The following CACNA2D1 variants were observed in gnomAD, a reference collection of about 807,000 sequenced individuals.
CACNA2D1 encodes voltage-dependent calcium channel subunit alpha-2/delta-1.
Under a neutral mutation model 171.5 loss-of-function variants are expected in CACNA2D1, and 53 were observed. The observed-to-expected ratio is 0.31, with a 90% CI of 0.25 to 0.39. The LOEUF (loss-of-function observed/expected upper bound fraction) is 0.39, where lower values mean the gene tolerates loss of function less well. Ranked by LOEUF, CACNA2D1 falls within the 10% of genes least tolerant of loss-of-function variation. The probability of loss-of-function intolerance (pLI) is 1.00; values close to 1 mark genes in which losing one functional copy is unlikely to be tolerated. For synonymous variants in CACNA2D1, 442 were observed against 443.1 expected, an observed-to-expected ratio of 1.00 and a Z score of 0.03; for missense variants, 903 against 1,299.8, an observed-to-expected ratio of 0.69 and a Z score of 4.69.
At chr7:82,384,273 CT>C (rs1824063823) in intron 1 of CACNA2D1, among the ~76,000 whole-genome samples, 2 of 152,126 alleles carry the variant, frequency 1.3e-5, no homozygotes, top group African/African-American at 2.4e-5. Context: ...GAGAAGGGGC[CT>C]TTGCAAGGCA....
chr7:82,286,924 G>T (rs189062120), intron 3 of CACNA2D1, among the ~76,000 whole-genome samples: 8 of 152,270 alleles, frequency 5.3e-5, no homozygotes, highest in Admixed American at 1.3e-4. Context: ...GGTTTCAAAA[G>T]CACAGCAGGT....
intron 5 of CACNA2D1, among the ~76,000 whole-genome samples, chr7:82,133,541 A>G (rs1413244125): frequency 5.9e-5 from 9 of 152,190 alleles, no homozygotes; most frequent in African/African-American, 2.2e-4. Context: ...AAAATTCATT[A>G]AAATGTCAAA....
chr7:82,276,968 G>A (rs1312232459), intron 3 of CACNA2D1, among the ~76,000 whole-genome samples: 2 of 151,824 alleles, frequency 1.3e-5, no homozygotes, highest in East Asian at 3.9e-4. Context: ...GGATGGTCTC[G>A]ATCTCTTGAC....
At chr7:82,334,296 T>C (rs1031515830) in intron 3 of CACNA2D1, among the ~76,000 whole-genome samples, 2 of 152,204 alleles carry the variant, frequency 1.3e-5, no homozygotes, top group Non-Finnish European at 2.9e-5. Flanking sequence ...TGACTGCGAA[T>C]ACCCTACAAT....
chr7:82,262,231 T>C (rs1807213800), intron 3 of CACNA2D1, among the ~76,000 whole-genome samples: 1 of 152,122 alleles, frequency 6.6e-6, no homozygotes, highest in Non-Finnish European at 1.5e-5. Flanking sequence ...CTCGGGAGGC[T>C]GAGGCAGGAG....
chr7:82,037,966 A>G, intron 11 of CACNA2D1, 111 bp downstream of exon 11: 1 of 1,050,974 alleles, frequency 9.5e-7, no homozygotes, highest in Non-Finnish European at 1.5e-6. Context: ...TGTTTTAAAT[A>G]AATGAAAAAC....
chr7:82,177,091 G>A (rs1215693207), intron 3 of CACNA2D1, among the ~76,000 whole-genome samples: 5 of 129,970 alleles, frequency 3.8e-5, no homozygotes, highest in Non-Finnish European at 8.2e-5. Flanking sequence ...TTTTTTTGGC[G>A]GGGGTTGGGG....
intron 12 of CACNA2D1, among the ~76,000 whole-genome samples, chr7:82,024,728 T>C (rs548907285): frequency 1.3e-5 from 2 of 151,794 alleles, no homozygotes; most frequent in East Asian, 3.9e-4. Context: ...AATAAATGAA[T>C]GCCATGAAGC....
At chr7:82,080,549 AT>A (rs1809622625) in intron 7 of CACNA2D1, among the ~76,000 whole-genome samples, 1 of 152,216 alleles carries the variant, frequency 6.6e-6, no homozygotes, top group Non-Finnish European at 1.5e-5. Context: ...TTAACTTTGA[AT>A]TTCAATAAAA....
intron 12 of CACNA2D1, among the ~76,000 whole-genome samples, chr7:82,019,731 C>T (rs1191249406): frequency 6.6e-6 from 1 of 152,132 alleles, no homozygotes; most frequent in Non-Finnish European, 1.5e-5. Flanking sequence ...AAACTGTCAC[C>T]TCAACAATTA....
At chr7:82,260,267 C>T (rs1806900954) in intron 3 of CACNA2D1, among the ~76,000 whole-genome samples, 1 of 152,014 alleles carries the variant, frequency 6.6e-6, no homozygotes, top group Admixed American at 6.6e-5. Flanking sequence ...TAGAACAATG[C>T]CTGGCACTTA....
At chr7:82,351,972 G>A (rs764196527) in intron 1 of CACNA2D1, among the ~76,000 whole-genome samples, 1 of 152,062 alleles carries the variant, frequency 6.6e-6, no homozygotes, top group South Asian at 2.1e-4. Context: ...GAGAGGCAAA[G>A]AATATATATG....
chr7:82,405,923 G>C (rs186029181), intron 1 of CACNA2D1, among the ~76,000 whole-genome samples: 19 of 152,200 alleles, frequency 1.2e-4, no homozygotes, highest in Admixed American at 1.2e-3. Flanking sequence ...AAGTTCTAGG[G>C]TACCTGCGCA....
chr7:82,184,091 A>G (rs1797421089), intron 3 of CACNA2D1, among the ~76,000 whole-genome samples: 1 of 151,994 alleles, frequency 6.6e-6, no homozygotes, highest in African/African-American at 2.4e-5. Context: ...TTTAAAAAAA[A>G]AAAAATGAAA....
intron 3 of CACNA2D1, among the ~76,000 whole-genome samples, chr7:82,246,929 T>C (rs1563254059): frequency 6.6e-6 from 1 of 152,044 alleles, no homozygotes; most frequent in Non-Finnish European, 1.5e-5. Context: ...ACCCCATATC[T>C]AGGGTCTTCT....
chr7:81,971,798 T>C lies in CACNA2D1; in HGVS notation c.2120A>G (p.Tyr707Cys). 1 of 1,599,428 alleles carries C rather than the reference T, an allele frequency of 6.3e-7. No individual in the cohort carries two copies. The highest frequency in any genetic ancestry group is 8.6e-7 in the Non-Finnish European group (1 of 1,167,422). The change falls in exon 26 of 39, where the codon TAC becomes TGC. Residue 707 changes from tyrosine to cysteine, a missense_variant. Tyr to Cys is a radical substitution (Grantham distance 194). Around this residue, in one of 5 missense-constraint regions of CACNA2D1, gnomAD observed 623 missense variants for 925.5 expected, o/e 0.67. Transcript: ENST00000356860. ...TTACATATTTTTCTGCTTACTCCAG[T>C]AATTTTGGACAAGTTCATTTGTAAA... ...AGFTNELVQNYWSKQKNIKGV... is the reference protein window; with the variant it reads ...AGFTNELVQNCWSKQKNIKGV...
At position 82,129,684 on chromosome 7, in the gene CACNA2D1, G is replaced by C. The variant is rs3801749; in HGVS notation, c.396+6951C>G. On this transcript the variant is annotated intron_variant, in intron 5 of 38. Coordinates refer to ENST00000356860, the MANE Select transcript of CACNA2D1 (RefSeq NM_000722.4). ...TCTGAAGTAATACTATCTTAGAGAA[G>C]AATTTTCCTCTGTGTCTTTAATACT... Among the ~76,000 whole-genome samples the C allele has an allele frequency of 4.6e-3, 703 of 152,068 alleles. 4 individuals are homozygous for C. Among genetic ancestry groups the C allele is most frequent in the African/African-American group, 0.013 (537 of 41,476 alleles).
chr7:82,426,387 T>C (rs938654520), intron 1 of CACNA2D1, among the ~76,000 whole-genome samples: 9 of 152,122 alleles, frequency 5.9e-5, no homozygotes, highest in African/African-American at 2.2e-4. Context: ...CATAAAAGAC[T>C]GCACACACCC....
intron 3 of CACNA2D1, among the ~76,000 whole-genome samples, chr7:82,295,125 C>T (rs1449185902): frequency 6.6e-6 from 1 of 152,052 alleles, no homozygotes; most frequent in Admixed American, 6.6e-5. Context: ...CTTCATTTTG[C>T]CCATTTCCTC....
Sources: allele counts gnomAD v4.1 joint callset (sites outside exome capture counted in the v4.1 genomes callset), GRCh38; gene constraint gnomAD v4.1.1; regional missense constraint gnomAD v4.1.1; transcripts MANE v1.5; gene names NCBI Gene and HGNC (gene_info 2026-07-23, HGNC 2026-07-21).